Variants in USP6 observed in about 807,000 individuals in gnomAD.
The protein encoded by USP6 is ubiquitin carboxyl-terminal hydrolase 6.
In USP6, 128 loss-of-function variants were observed where a neutral mutation model predicts 175.7. The ratio of observed to expected loss-of-function variants is 0.73; its 90% CI spans 0.63 to 0.84. The LOEUF (loss-of-function observed/expected upper bound fraction) is 0.84. Ranked by LOEUF, USP6 falls within the 40% of genes least tolerant of loss-of-function variation. USP6 has a pLI of 0.00. For synonymous variants in USP6, 562 were observed against 630.6 expected (o/e 0.89, Z 1.63); for missense variants, 1,498 against 1,760.3 (o/e 0.85, Z 2.67).
chr17:5,146,274 A>T, intron 28 of USP6, 100 bp downstream of exon 28: 1 of 1,392,746 alleles, frequency 7.2e-7, no homozygotes, highest in Non-Finnish European at 9.5e-7. Flanking sequence ...ACCAAGAGAG[A>T]TACTAAAACA....
At chr17:5,159,772 G>A (rs2073966788) in intron 31 of USP6, among the ~76,000 whole-genome samples, 2 of 152,024 alleles carry the variant, frequency 1.3e-5, no homozygotes, top group Non-Finnish European at 2.9e-5. Flanking sequence ...AGACCAGGCT[G>A]GACAACATGG....
At chr17:5,165,017 G>A (rs1242438505) in intron 33 of USP6, among the ~76,000 whole-genome samples, 2 of 152,206 alleles carry the variant, frequency 1.3e-5, no homozygotes, top group Non-Finnish European at 2.9e-5. Flanking sequence ...ATATAATGCA[G>A]TTGTTGAAAA....
At chr17:5,122,600 G>A (rs1372441119) in intron 4 of USP6, among the ~76,000 whole-genome samples, 4 of 150,694 alleles carry the variant, frequency 2.7e-5, no homozygotes, top group Non-Finnish European at 4.4e-5. Flanking sequence ...ACCCAGCCCC[G>A]ACCCTCCGCT....
chr17:5,127,452 C>T (rs1294272262), intron 6 of USP6, 52 bp from the exon 7 acceptor site: 3 of 152,238 alleles, frequency 2.0e-5, no homozygotes, highest in Non-Finnish European at 4.4e-5. Context: ...TCTTCCAAGA[C>T]CTCAAAACTG....
chr17:5,156,539 C>T (rs1345497474), intron 31 of USP6, among the ~76,000 whole-genome samples: 1 of 152,146 alleles, frequency 6.6e-6, no homozygotes, highest in Non-Finnish European at 1.5e-5. Context: ...TTCCCAACCT[C>T]AGGTGATCCG....
intron 17 of USP6, 95 bp downstream of exon 17, chr17:5,136,023 T>C (rs12944361): frequency 0.084 from 132,050 of 1,579,272 alleles, 6,157 homozygotes; most frequent in Middle Eastern, 0.11. Flanking sequence ...GCACACTCCT[T>C]GTGTTGCCAG....
At chr17:5,168,540 G>C (rs564513254) in intron 34 of USP6, among the ~76,000 whole-genome samples, 1 of 152,376 alleles carries the variant, frequency 6.6e-6, no homozygotes, top group Admixed American at 6.5e-5. Flanking sequence ...TCACGTGGCT[G>C]TGGCCACACT....
chr17:5,116,240 T>C lies in USP6; in HGVS notation c.-2428T>C, dbSNP rs2072533956. ...ACGCTCATTGAGAGGACTTCCCGCC[T>C]GCGGGCTCTCTGCTCGACGCCACTC... On this transcript the variant is annotated 5_prime_UTR_variant, in exon 1 of 38. Coordinates refer to ENST00000574788, the MANE Select transcript of USP6 (RefSeq NM_001304284.2). Among the ~76,000 whole-genome samples the C allele has an allele frequency of 7.3e-6, 1 of 137,532 alleles. No individual in the cohort carries two copies. Among genetic ancestry groups the C allele is most frequent in the Non-Finnish European group, 1.7e-5 (1 of 57,838 alleles). 90.2% of individuals were successfully genotyped at this position (137,532 alleles called of 152,430 possible).
Position 5,126,334 on chromosome 17 carries a change from G to T in USP6, c.-474+396G>T, listed in dbSNP as rs184242723. On this transcript the variant is annotated intron_variant, in intron 6 of 37. Transcript: ENST00000574788. Reference sequence around the variant, plus strand: ...GCGTCGGTTTTTTATGGATCCTTGAGCCCAGGAAGGCAATAGACAAGACAT... The same window carrying T: ...GCGTCGGTTTTTTATGGATCCTTGATCCCAGGAAGGCAATAGACAAGACAT... 8.1e-3 allele frequency among the ~76,000 whole-genome samples: 1,233 copies of T among 152,266 alleles called. 12 individuals are homozygous for T. The highest frequency in any genetic ancestry group is 0.017 in the African/African-American group (692 of 41,542).
In USP6 at chr17:5,135,736, T is replaced by G. The variant is rs138606900; in HGVS notation, c.544-72T>G. The G allele has an allele frequency of 8.1e-5, 129 of 1,596,830 alleles. No individual in the cohort carries two copies. The African/African-American group carries it at 1.6e-3, about 20-fold the overall frequency. ...CCCCAGTCACCTCTGCCCTCTCCAATGACATGAGTCCTCCCAGGTGACCTC... is the reference window on the plus strand; with the variant it reads ...CCCCAGTCACCTCTGCCCTCTCCAAGGACATGAGTCCTCCCAGGTGACCTC... On this transcript the variant is annotated intron_variant, in intron 16 of 37. Transcript: ENST00000574788.
chr17:5,166,397 A>C (rs2074097104), intron 33 of USP6, among the ~76,000 whole-genome samples: 2 of 152,290 alleles, frequency 1.3e-5, no homozygotes, highest in South Asian at 4.1e-4. Flanking sequence ...TCATGTAGGG[A>C]AAAAGTCTCG....
At chr17:5,170,340 C>G in intron 35 of USP6, 139 bp from the exon 36 acceptor site, 1 of 1,328,916 alleles carries the variant, frequency 7.5e-7, no homozygotes, top group Middle Eastern at 2.7e-4. Context: ...ACAATAGGAA[C>G]CAAAGGGTAG....
Position 5,129,932 on chromosome 17 carries a change from G to A in USP6, c.-155-4G>A, listed in dbSNP as rs115532162. Reference sequence around the variant, plus strand: ...GCAGTCAGGAGAGATCTTGTTCCCCGTAGGAAACTGGGCATCTCTGTGGCC... The same window carrying A: ...GCAGTCAGGAGAGATCTTGTTCCCCATAGGAAACTGGGCATCTCTGTGGCC... On this transcript the variant is annotated splice_polypyrimidine_tract_variant and splice_region_variant and intron_variant, in intron 8 of 37. Coordinates refer to ENST00000574788, the MANE Select transcript of USP6 (RefSeq NM_001304284.2). 14 of 220,190 alleles carry A rather than the reference G, an allele frequency of 6.4e-5. No individual in the cohort carries two copies. Among genetic ancestry groups the A allele is most frequent in the African/African-American group, 1.4e-4 (6 of 43,930 alleles). 13.6% of individuals were successfully genotyped at this position (220,190 alleles called of 1,614,324 possible).
chr17:5,129,683 G>C (rs1192954323), intron 8 of USP6: 3 of 152,892 alleles, frequency 2.0e-5, no homozygotes, highest in Non-Finnish European at 2.9e-5. Flanking sequence ...AGTGACCCAG[G>C]AAAATGAAGC....
intron 27 of USP6, 122 bp downstream of exon 27, chr17:5,145,701 C>T (rs1255418543): frequency 5.4e-6 from 7 of 1,304,304 alleles, no homozygotes; most frequent in Admixed American, 3.5e-5. Context: ...ATATTATAAT[C>T]GAGCAACCTA....
At chr17:5,154,722 T>TC (rs1555603438) in intron 30 of USP6, among the ~76,000 whole-genome samples, 23,054 of 149,974 alleles carry the variant, frequency 0.15, 2,099 homozygotes, top group Non-Finnish European at 0.21. Flanking sequence ...TTTTTTTTTT[T>TC]CCCCCCACTG....
chr17:5,136,340 TC>T lies in USP6; in HGVS notation c.665-298del, dbSNP rs1324996958. On this transcript the variant is annotated intron_variant, in intron 17 of 37. Transcript: ENST00000574788. The stretch of plus-strand genomic sequence containing the variant: ...CCGTGTCCCCTGGCCCGACCCCACT[TC>T]CAGGAGATGACCAGGAAGCTCAGCA... Among the ~76,000 whole-genome samples, 33 of 152,300 alleles carry T rather than the reference TC, an allele frequency of 2.2e-4. 1 individual carries two copies. Among genetic ancestry groups the T allele is most frequent in the African/African-American group, 7.7e-4 (32 of 41,572 alleles).
chr17:5,170,341 C>G, intron 35 of USP6, 138 bp from the exon 36 acceptor site: 1 of 1,329,784 alleles, frequency 7.5e-7, no homozygotes, highest in Non-Finnish European at 1.0e-6. Context: ...CAATAGGAAC[C>G]AAAGGGTAGC....
rs535474343 is a variant in USP6, at chr17:5,124,409, G to T, written c.-1298-157G>T. On this transcript the variant is annotated intron_variant, in intron 4 of 37. Transcript: ENST00000574788. Reference sequence around the variant, plus strand: ...CCTGGCTTTCCAGAAACAGAACTCGGTTGGGAATGGCAGCTGCTTGGACAG... The same window carrying T: ...CCTGGCTTTCCAGAAACAGAACTCGTTTGGGAATGGCAGCTGCTTGGACAG... 1.9e-4 allele frequency among the ~76,000 whole-genome samples: 29 copies of T among 152,332 alleles called. 1 individual carries two copies. The South Asian group carries it at 6.0e-3, about 32-fold the overall frequency.
Sources: allele counts gnomAD v4.1 joint callset (sites outside exome capture counted in the v4.1 genomes callset), GRCh38; gene constraint gnomAD v4.1.1; transcripts MANE v1.5; gene names NCBI Gene and HGNC (gene_info 2026-07-23, HGNC 2026-07-21).